Variants in YAE1 observed in about 807,000 individuals in gnomAD.
YAE1 encodes YAE1 maturation factor of ABCE1.
A neutral mutation model predicts 23.0 loss-of-function variants in YAE1; 22 were observed. That is an observed-to-expected ratio of 0.96 (90% CI 0.68 to 1.37). YAE1 has a LOEUF of 1.37. YAE1 is among the 40% of genes most tolerant of loss of function. The probability of loss-of-function intolerance (pLI) is 0.00; values close to 1 mark genes in which losing one functional copy is unlikely to be tolerated. For synonymous variants in YAE1, 101 were observed against 97.0 expected (o/e 1.04, Z -0.24); for missense variants, 260 against 262.1 (o/e 0.99, Z 0.06).
chr7:39,610,544 T>G (rs1791197026), downstream of YAE1, among the ~76,000 whole-genome samples: 1 of 152,190 alleles, frequency 6.6e-6, no homozygotes, highest in African/African-American at 2.4e-5. Flanking sequence ...GGAGCAGCAG[T>G]GTAGCAAAAT....
intron 2 of YAE1, among the ~76,000 whole-genome samples, chr7:39,579,598 G>C (rs7458034): frequency 0.31 from 47,089 of 150,982 alleles, 8,117 homozygotes; most frequent in South Asian, 0.37. Context: ...GAACCCAGGA[G>C]GTGGGGGTGC....
chr7:39,597,052 A>C (rs1477860128), intron 2 of YAE1, among the ~76,000 whole-genome samples: 9 of 152,356 alleles, frequency 5.9e-5, no homozygotes, highest in Admixed American at 3.9e-4. Flanking sequence ...CATGATGACT[A>C]TGGCATTTGC....
chr7:39,593,246 A>G (rs1023456107), intron 2 of YAE1, among the ~76,000 whole-genome samples: 1 of 115,292 alleles, frequency 8.7e-6, no homozygotes, highest in Non-Finnish European at 1.6e-5. Flanking sequence ...GTGCAGTGGC[A>G]CAATCTTGGC....
chr7:39,572,238 C>T (rs927918732), intron 2 of YAE1, 39 bp from the exon 3 acceptor site: 9 of 1,536,074 alleles, frequency 5.9e-6, no homozygotes, highest in Non-Finnish European at 5.2e-6. Flanking sequence ...TTTTTAAGTC[C>T]TATTTTGCTA....
downstream of YAE1, among the ~76,000 whole-genome samples, chr7:39,574,896 C>A (rs1790630968): frequency 6.6e-6 from 1 of 152,142 alleles, no homozygotes; most frequent in Non-Finnish European, 1.5e-5. Flanking sequence ...CAGAGCAATA[C>A]CCTGTCTCTA....
chr7:39,611,311 C>T (rs553836425), downstream of YAE1, among the ~76,000 whole-genome samples: 1 of 152,308 alleles, frequency 6.6e-6, no homozygotes, highest in South Asian at 2.1e-4. Context: ...AAATATTTAA[C>T]TCCAAGCCTT....
intron 2 of YAE1, among the ~76,000 whole-genome samples, chr7:39,593,375 G>A (rs1043546658): frequency 6.6e-6 from 1 of 151,350 alleles, no homozygotes; most frequent in African/African-American, 2.4e-5. Context: ...AGTAGAGATG[G>A]GGTTTTACCA....
chr7:39,584,762 T>G (rs1490036316), intron 2 of YAE1, among the ~76,000 whole-genome samples: 3 of 152,184 alleles, frequency 2.0e-5, no homozygotes, highest in Non-Finnish European at 4.4e-5. Context: ...CTCTGGCCAG[T>G]AATCCCAGCA....
At chr7:39,568,096 G>A (rs111494252) in intron 1 of YAE1, among the ~76,000 whole-genome samples, 81 of 151,988 alleles carry the variant, frequency 5.3e-4, no homozygotes, top group African/African-American at 1.9e-3. Context: ...AAATTAGCCG[G>A]GTATAGTGGC....
chr7:39,570,610 A>T lies in YAE1; in HGVS notation c.234A>T (p.Arg78=), dbSNP rs1476419398. 12 of 1,596,464 alleles carry T rather than the reference A, an allele frequency of 7.5e-6. No individual in the cohort carries two copies. In the African/African-American group the frequency reaches 1.2e-4, roughly 16 times the overall value. ...CAGAAGTCATTTTAAACTATGGACG[A>T]CTCCGAGGAACATTGAGGTAATTTT... ...KGAEVILNYG[R]LRGTLSALLS... is the part of the protein sequence containing the mutation. Residue 78 remains arginine, a synonymous_variant, in exon 2 of 3, where the codon CGA becomes CGT. Coordinates refer to ENST00000223273, the MANE Select transcript of YAE1 (RefSeq NM_020192.5).
exon 3 of YAE1, chr7:39,609,617 G>C: frequency 4.6e-6 from 7 of 1,534,034 alleles, no homozygotes; most frequent in Non-Finnish European, 6.1e-6. Flanking sequence ...ATCAAAACAG[G>C]AACTCAACGG....
intron 2 of YAE1, among the ~76,000 whole-genome samples, chr7:39,586,968 A>G (rs1790826801): frequency 1.3e-5 from 2 of 152,186 alleles, no homozygotes; most frequent in Admixed American, 1.3e-4. Flanking sequence ...GCTGCAGGTC[A>G]TGGGTTCACC....
chr7:39,578,587 C>T (rs1248161165), intron 2 of YAE1, among the ~76,000 whole-genome samples: 1 of 152,152 alleles, frequency 6.6e-6, no homozygotes, highest in African/African-American at 2.4e-5. Context: ...CAACTCCAGA[C>T]GCGCTGCCTT....
At chr7:39,572,180 T>C (rs1258796283) in intron 2 of YAE1, 97 bp from the exon 3 acceptor site, 2 of 1,288,980 alleles carry the variant, frequency 1.6e-6, no homozygotes, top group East Asian at 2.5e-5. Flanking sequence ...ATAAACAGTT[T>C]TATGATTAAG....
exon 3 of YAE1, chr7:39,610,301 G>T (rs188976260): frequency 1.6e-4 from 79 of 492,248 alleles, no homozygotes; most frequent in African/African-American, 1.5e-3. Flanking sequence ...TGCAGATCTC[G>T]GTACCAGGTT....
rs1251539944 is a variant in YAE1, at chr7:39,588,375, G to T, written c.251+17748G>T. 2.6e-5 allele frequency among the ~76,000 whole-genome samples: 4 copies of T among 152,100 alleles called. No homozygotes were observed. The East Asian group carries it at 5.8e-4, about 22-fold the overall frequency. On this transcript the variant is annotated intron_variant, in intron 2 of 2. Coordinates refer to the YAE1 transcript ENST00000432096. ...AAAAATACAAAAATTAGCTGGGCTT[G>T]GTGGCGTGTGCCTGTAATCCCAGCT...
At chr7:39,586,796 C>G (rs1790824366) in intron 2 of YAE1, among the ~76,000 whole-genome samples, 1 of 152,206 alleles carries the variant, frequency 6.6e-6, no homozygotes, top group African/African-American at 2.4e-5. Flanking sequence ...TGCAGTCGGC[C>G]GATAACTATG....
chr7:39,577,724 G>C (rs1286572674), downstream of YAE1, among the ~76,000 whole-genome samples: 1 of 152,200 alleles, frequency 6.6e-6, no homozygotes, highest in Non-Finnish European at 1.5e-5. Flanking sequence ...TCCCCAACGA[G>C]CACCACCCCC....
intron 2 of YAE1, among the ~76,000 whole-genome samples, chr7:39,588,355 T>C (rs1790850626): frequency 6.6e-6 from 1 of 152,034 alleles, no homozygotes; most frequent in African/African-American, 2.4e-5. Flanking sequence ...CTACTAAAAA[T>C]ACAAAAATTA....
Sources: allele counts gnomAD v4.1 joint callset (sites outside exome capture counted in the v4.1 genomes callset), GRCh38; gene constraint gnomAD v4.1.1; transcripts MANE v1.5; gene names NCBI Gene and HGNC (gene_info 2026-07-23, HGNC 2026-07-21).